GPC6: variants seen among roughly 807,000 people sequenced by gnomAD.
GPC6 encodes the protein glypican 6.
In GPC6, 14 loss-of-function variants were observed where a neutral mutation model predicts 55.2. The observed-to-expected ratio is 0.25, with a 90% CI of 0.17 to 0.40. The LOEUF is 0.40. Among genes scored for constraint, GPC6 ranks in the 10% least tolerant of loss-of-function variants. The pLI is 1.00. For synonymous variants in GPC6, 278 were observed against 259.6 expected, an observed-to-expected ratio of 1.07 and a Z score of -0.68; for missense variants, 641 against 708.5, an observed-to-expected ratio of 0.90 and a Z score of 1.08.
chr13:94,095,751 A>G (rs1885634042), intron 4 of GPC6, among the ~76,000 whole-genome samples: 1 of 152,080 alleles, frequency 6.6e-6, no homozygotes, highest in African/African-American at 2.4e-5. Context: ...ATGGAGGGGG[A>G]GAAATTGGGC....
At chr13:93,837,508 C>A (rs1887784643) in intron 3 of GPC6, among the ~76,000 whole-genome samples, 1 of 152,184 alleles carries the variant, frequency 6.6e-6, no homozygotes, top group South Asian at 2.1e-4. Flanking sequence ...AGAGATTTAG[C>A]TCAGTCCTGA....
intron 2 of GPC6, among the ~76,000 whole-genome samples, chr13:93,649,541 A>G (rs1469105533): frequency 1.3e-5 from 2 of 152,216 alleles, no homozygotes; most frequent in Non-Finnish European, 1.5e-5. Flanking sequence ...TACATAAACC[A>G]TAGATTGTCT....
chr13:94,075,433 C>G (rs1169178786), intron 4 of GPC6, among the ~76,000 whole-genome samples: 1 of 151,830 alleles, frequency 6.6e-6, no homozygotes, highest in African/African-American at 2.4e-5. Flanking sequence ...TTTTTGTGTG[C>G]AGGTGTGTGT....
At chr13:94,019,395 A>G (rs1043762800) in intron 3 of GPC6, among the ~76,000 whole-genome samples, 6 of 152,186 alleles carry the variant, frequency 3.9e-5, no homozygotes, top group African/African-American at 1.4e-4. Flanking sequence ...ACTATTTCAT[A>G]GTTCAGGCGC....
chr13:93,698,510 T>TTTTTTTTC (rs1555325235), intron 2 of GPC6, among the ~76,000 whole-genome samples: 1 of 127,410 alleles, frequency 7.8e-6, no homozygotes, highest in Non-Finnish European at 1.7e-5. Flanking sequence ...TTTTTTTTTT[T>TTTTTTTTC]ACTGTCAGGT....
chr13:93,496,775 A>G (rs1880313763), intron 1 of GPC6, among the ~76,000 whole-genome samples: 1 of 152,194 alleles, frequency 6.6e-6, no homozygotes, highest in South Asian at 2.1e-4. Flanking sequence ...TTTAGAACCT[A>G]TTCTATACAG....
At chr13:93,886,076 G>T (rs1405250365) in intron 3 of GPC6, among the ~76,000 whole-genome samples, 1 of 152,026 alleles carries the variant, frequency 6.6e-6, no homozygotes, top group Admixed American at 6.6e-5. Flanking sequence ...CTCACAAAAT[G>T]AATAAAATAT....
At chr13:94,101,705 A>G (rs1278019395) in intron 4 of GPC6, among the ~76,000 whole-genome samples, 1 of 152,136 alleles carries the variant, frequency 6.6e-6, no homozygotes, top group African/African-American at 2.4e-5. Context: ...AAGCAATAAT[A>G]AAAGGTGGAT....
chr13:94,287,138 C>A (rs1258777952), intron 5 of GPC6, among the ~76,000 whole-genome samples: 1 of 151,878 alleles, frequency 6.6e-6, no homozygotes, highest in African/African-American at 2.4e-5. Flanking sequence ...CCGCCTTAAG[C>A]AAAATTGAGA....
rs59173357 is a variant in GPC6 at position 94,392,415 on chromosome 13, ATTT to A, written c.1290-6024_1290-6022del. Among the ~76,000 whole-genome samples, 822 of 105,370 alleles carry A rather than the reference ATTT, an allele frequency of 7.8e-3. 3 individuals are homozygous for A. Among genetic ancestry groups the A allele is most frequent in the African/African-American group, 0.021 (608 of 28,408 alleles). The allele number at this position is 105,370 out of a possible 152,430, so 69.1% of individuals were successfully genotyped here. A position where few individuals can be genotyped will look rare whatever the true frequency, so the allele number is the denominator to read the frequency against. ...GGATCATATGGTAATTCTATTTTTAATTTTTTTTTTTTTTTTTTTTTTTTTTTT... is the reference window on the plus strand; with the variant it reads ...GGATCATATGGTAATTCTATTTTTAATTTTTTTTTTTTTTTTTTTTTTTTT... On this transcript the variant is annotated intron_variant, in intron 7 of 8. Coordinates refer to ENST00000377047, the MANE Select transcript of GPC6 (RefSeq NM_005708.5).
intron 1 of GPC6, among the ~76,000 whole-genome samples, chr13:93,320,688 T>C (rs1020337373): frequency 6.6e-6 from 1 of 152,008 alleles, no homozygotes; most frequent in African/African-American, 2.4e-5. Flanking sequence ...GATGATATGA[T>C]GGATTCACTT....
intron 3 of GPC6, among the ~76,000 whole-genome samples, chr13:93,986,293 C>G (rs1250306999): frequency 2.0e-5 from 3 of 152,152 alleles, no homozygotes; most frequent in East Asian, 1.9e-4. Context: ...TTGAGACACT[C>G]TGTTAGACAT....
chr13:94,133,367 C>A (rs1034874708), intron 4 of GPC6, among the ~76,000 whole-genome samples: 1 of 148,364 alleles, frequency 6.7e-6, no homozygotes, highest in Non-Finnish European at 1.5e-5. Context: ...TGTGAAATAG[C>A]AAATTATAAA....
At chr13:93,992,817 A>G (rs1881370475) in intron 3 of GPC6, among the ~76,000 whole-genome samples, 1 of 152,194 alleles carries the variant, frequency 6.6e-6, no homozygotes, top group East Asian at 1.9e-4. Flanking sequence ...GGTGTATAGA[A>G]AATTTAGAGA....
In GPC6 at chr13:94,329,779, A is replaced by C. The variant is rs377116662; in HGVS notation, c.1152+23656A>C. ...CCTCTTCCTCCTCCTCCTTCCTCCT[A>C]CTCCTCCTCCTCCTCTTCTCTTACC... On this transcript the variant is annotated intron_variant, in intron 6 of 8. Coordinates refer to ENST00000377047, the MANE Select transcript of GPC6 (RefSeq NM_005708.5). Among the ~76,000 whole-genome samples, 20 of 145,790 alleles carry C rather than the reference A, an allele frequency of 1.4e-4. 1 individual carries two copies. Among genetic ancestry groups the C allele is most frequent in the Middle Eastern group, 3.7e-3 (1 of 272 alleles).
At chr13:94,336,003 C>A (rs1367140920) in intron 6 of GPC6, among the ~76,000 whole-genome samples, 1 of 151,638 alleles carries the variant, frequency 6.6e-6, no homozygotes, top group Non-Finnish European at 1.5e-5. Flanking sequence ...GGACAGAAGC[C>A]CAGGAAGTAT....
At chr13:93,808,973 A>G (rs994970501) in intron 2 of GPC6, among the ~76,000 whole-genome samples, 1 of 152,214 alleles carries the variant, frequency 6.6e-6, no homozygotes, top group Non-Finnish European at 1.5e-5. Flanking sequence ...CTGTGGACTT[A>G]GTGAAGGGTG....
At chr13:94,308,910 G>T (rs1237889877) in intron 6 of GPC6, among the ~76,000 whole-genome samples, 1 of 152,156 alleles carries the variant, frequency 6.6e-6, no homozygotes, top group Non-Finnish European at 1.5e-5. Context: ...ATATAGCTCT[G>T]AACACTGGAA....
intron 6 of GPC6, among the ~76,000 whole-genome samples, chr13:94,321,056 C>A (rs778287098): frequency 6.6e-6 from 1 of 152,238 alleles, no homozygotes; most frequent in South Asian, 2.1e-4. Flanking sequence ...TTTCTATCTT[C>A]GCCTTCCTCC....
Sources: gnomAD v4.1 joint callset for allele counts (sites outside exome capture counted in the v4.1 genomes callset) on GRCh38, gnomAD v4.1.1 for gene constraint, MANE v1.5 for transcripts, NCBI Gene and HGNC (gene_info 2026-07-23, HGNC 2026-07-21) for gene names.